The following FLNC variants were observed in gnomAD, a reference collection of about 807,000 sequenced individuals.
FLNC encodes the protein filamin-C.
FLNC carries 91 observed loss-of-function variants against 254.3 expected under a neutral mutation model. That is an observed-to-expected ratio of 0.36 (90% CI 0.30 to 0.43). The LOEUF is 0.43. Among genes scored for constraint, FLNC ranks in the 20% least tolerant of loss-of-function variants. FLNC has a pLI of 1.00. For missense variants in FLNC, 2,853 were observed against 3,802.6 expected (o/e 0.75, Z 6.57); for synonymous variants, 1,430 against 1,577.2 (o/e 0.91, Z 2.21).
In FLNC at chr7:128,844,977, G is replaced by A. The variant is rs1298622480; in HGVS notation, c.3512G>A (p.Gly1171Asp). ...CCGGGCCTGGAGCGCGGCAAGGTCG[G>A]TGAGGCAGCCACCTTCACTGTGGAC... is the stretch of plus-strand genomic sequence containing the variant. The part of the protein sequence containing the change: ...SGPGLERGKV[G>D]EAATFTVDCS... Residue 1171 changes from glycine to aspartate, a missense_variant, in exon 21 of 48, where the codon GGT becomes GAT. Physicochemically the swap from Gly to Asp is moderately conservative, Grantham distance 94 (BLOSUM62 -1). Coordinates refer to ENST00000325888, the MANE Select transcript of FLNC (RefSeq NM_001458.5). The A allele has an allele frequency of 1.9e-6, 3 of 1,613,826 alleles. No individual in the cohort carries two copies. The highest frequency in any genetic ancestry group is 1.7e-6 in the Non-Finnish European group (2 of 1,180,012).
rs761680664 is a variant in FLNC, at chr7:128,854,062, G to C, written c.6573G>C (p.Thr2191=). ...SSHTYTRTER[T]EISKTRGGET... ...ACACCTACACCCGCACGGAGCGCAC[G>C]GAGATCAGCAAGACGCGGGGCGGGG... Residue 2191 remains threonine, a synonymous_variant, in exon 40 of 48, where the codon ACG becomes ACC. Coordinates refer to ENST00000325888, the MANE Select transcript of FLNC (RefSeq NM_001458.5). The C allele has an allele frequency of 2.5e-6, 4 of 1,613,144 alleles. No homozygotes were observed. Among genetic ancestry groups the C allele is most frequent in the Non-Finnish European group, 3.4e-6 (4 of 1,180,006 alleles).
In FLNC at chr7:128,845,238, C is replaced by G. The variant is rs1425684282; in HGVS notation, c.3773C>G (p.Pro1258Arg). Residue 1258 changes from proline (P) to arginine (R), a missense_variant, in exon 21 of 48, where the codon CCT (proline) becomes CGT (arginine). Transcript: ENST00000325888. Reference sequence around the variant, plus strand: ...ACCAGTGGCGTCAAGGTCTCAGGGCCTGGTGTTGAGCCACACGGTGAGTGG... The same window carrying G: ...ACCAGTGGCGTCAAGGTCTCAGGGCGTGGTGTTGAGCCACACGGTGAGTGG... ...VDTSGVKVSGPGVEPHGVLRE... is the reference protein window; with the variant it reads ...VDTSGVKVSGRGVEPHGVLRE... The G allele has an allele frequency of 6.2e-7, 1 of 1,613,472 alleles. No individual in the cohort carries two copies. The highest frequency in any genetic ancestry group is 1.3e-5 in the African/African-American group (1 of 74,914).
In FLNC at chr7:128,838,687, G is replaced by A. The variant is rs750350780; in HGVS notation, c.1295G>A (p.Gly432Asp). 1 of 1,612,928 alleles carries A rather than the reference G, an allele frequency of 6.2e-7. No homozygotes were observed. Among genetic ancestry groups the A allele is most frequent in the African/African-American group, 1.3e-5 (1 of 74,932 alleles). Residue 432 changes from glycine (G) to aspartate (D), a missense_variant, in exon 8 of 48, where the codon GGT becomes GAT. Around this residue, in one of 10 missense-constraint regions of FLNC, gnomAD observed 1,573 missense variants for 1,883.5 expected, o/e 0.84. Transcript: ENST00000325888. ...GTGGAGGTGGCCCTGGAGGACAAGG[G>A]TGACAGCACGTTCCGCTGCACATAC... ...DTVEVALEDK[G>D]DSTFRCTYRP...
chr7:128,851,204 C>T (rs767639103), intron 33 of FLNC, 28 bp from the exon 34 acceptor site: 26 of 1,613,612 alleles, frequency 1.6e-5, no homozygotes, highest in Non-Finnish European at 2.1e-5. Context: ...TGATGCTGAC[C>T]CAGCCCCCTT....
rs1458190021 is a variant in FLNC at position 128,838,089 on chromosome 7, C to T, written c.1047+25C>T. 6 of 1,593,802 alleles carry T rather than the reference C, an allele frequency of 3.8e-6. No homozygotes were observed. The African/African-American group carries it at 8.1e-5, about 21-fold the overall frequency. ...GGTATCTCCCTCTAGGCCCCCCTGCCTGCGCTGCTCTTCACATCCTTGGTT... is the reference window on the plus strand; with the variant it reads ...GGTATCTCCCTCTAGGCCCCCCTGCTTGCGCTGCTCTTCACATCCTTGGTT... On this transcript the variant is annotated intron_variant, in intron 6 of 47. Coordinates refer to ENST00000325888, the MANE Select transcript of FLNC (RefSeq NM_001458.5).
In FLNC at chr7:128,841,019, A is replaced by G; in HGVS notation, c.1813+49A>G. On this transcript the variant is annotated intron_variant, in intron 11 of 47. Transcript: ENST00000325888. The surrounding 1 kb of genome is among the most constrained non-coding windows in gnomAD (Gnocchi z 4.3). ...AGGGAGTGCTGCGGGGGAGGGCAGC[A>G]GGGGACACTGTGGGTAATGGGTGCA... is the stretch of plus-strand genomic sequence containing the variant. The G allele has an allele frequency of 6.4e-7, 1 of 1,574,052 alleles. No individual in the cohort carries two copies. Among genetic ancestry groups the G allele is most frequent in the Non-Finnish European group, 8.6e-7 (1 of 1,158,492 alleles).
At chr7:128,840,480 G>T in intron 9 of FLNC, 68 bp from the exon 10 acceptor site, 1 of 1,606,862 alleles carries the variant, frequency 6.2e-7, no homozygotes, top group Non-Finnish European at 8.5e-7. Flanking sequence ...CTCCTTGAGG[G>T]GATTGAGGAG....
At chr7:128,849,898 T>C in intron 30 of FLNC, 78 bp from the exon 31 acceptor site, 2 of 1,044,950 alleles carry the variant, frequency 1.9e-6, no homozygotes, top group Non-Finnish European at 2.9e-6. Flanking sequence ...GCATTTCAGG[T>C]TCCTGGGCCA....
chr7:128,852,670 G>C lies in FLNC; in HGVS notation c.5922G>C (p.Leu1974=). The change falls in exon 36 of 48, where the codon CTG becomes CTC. Residue 1974 remains leucine, a synonymous_variant. Transcript: ENST00000325888. ...CACTGAAGATCACCGAGAGTGATCT[G>C]AGCCAGCTGACCGCCAGCATCCGTG... ...DVSLKITESD[L]SQLTASIRAP... 1 of 1,613,292 alleles carries C rather than the reference G, an allele frequency of 6.2e-7. No homozygotes were observed. Among genetic ancestry groups the C allele is most frequent in the Non-Finnish European group, 8.5e-7 (1 of 1,180,000 alleles).
rs1807860720 is a variant in FLNC, at chr7:128,830,900, C to A, written c.263C>A (p.Pro88Gln). The part of the protein sequence containing the change: ...SQKRMYRKFH[P>Q]RPNFRQMKLE... ...AAGCGCATGTACCGCAAGTTCCATC[C>A]GCGCCCCAACTTCCGCCAAATGAAG... Residue 88 changes from proline (P) to glutamine (Q), a missense_variant, in exon 1 of 48, where the codon CCG (proline) becomes CAG (glutamine). By Grantham distance (76) the Pro-to-Gln change is moderately conservative. This residue lies in a region of FLNC where 59 missense variants were observed against 59.8 expected (regional missense o/e 0.99). Transcript: ENST00000325888. The A allele has an allele frequency of 1.2e-6, 2 of 1,613,068 alleles. No individual in the cohort carries two copies. The highest frequency in any genetic ancestry group is 1.3e-5 in the African/African-American group (1 of 74,948).
At chr7:128,844,385 TG>T (rs1342042957) in intron 20 of FLNC, 119 bp downstream of exon 20, 1 of 1,299,484 alleles carries the variant, frequency 7.7e-7, no homozygotes, top group Non-Finnish European at 1.0e-6. Flanking sequence ...GCCAAGGGTG[TG>T]GGGCTGAGGC....
chr7:128,842,642 G>C lies in FLNC; in HGVS notation c.2333G>C (p.Gly778Ala), dbSNP rs1001774848. The C allele has an allele frequency of 6.4e-7, 1 of 1,551,532 alleles. No homozygotes were observed. The highest frequency in any genetic ancestry group is 8.7e-7 in the Non-Finnish European group (1 of 1,147,520). The change falls in exon 15 of 48, where the codon GGC becomes GCC. Residue 778 changes from glycine (G) to alanine (A), a missense_variant. By Grantham distance (60) the Gly-to-Ala change is moderately conservative (BLOSUM62 0). This residue lies in a region of FLNC where 1,573 missense variants were observed against 1,883.5 expected (regional missense o/e 0.84). Coordinates refer to ENST00000325888, the MANE Select transcript of FLNC (RefSeq NM_001458.5). The surrounding 1 kb of genome is among the most constrained non-coding windows in gnomAD (Gnocchi z 5.4). ...TACGGCCCCGGAGTGGAGAAGACAG[G>C]CCTCAAGGCCAATGAGCCCACCTAC... ...KVYGPGVEKT[G>A]LKANEPTYFT...
rs940034440 is a variant in FLNC at position 128,841,225 on chromosome 7, T to C, written c.1869T>C (p.Asp623=). The change falls in exon 12 of 48, where the codon GAT becomes GAC. Residue 623 remains aspartate, a synonymous_variant. Coordinates refer to ENST00000325888, the MANE Select transcript of FLNC (RefSeq NM_001458.5). The surrounding 1 kb of genome is among the most constrained non-coding windows in gnomAD (Gnocchi z 4.3). ...QAKIECDDKG[D]GSCDVRYWPT... is the part of the protein sequence containing the mutation. ...AGATCGAATGTGACGACAAGGGGGA[T>C]GGCTCCTGCGATGTGCGGTACTGGC... 6.2e-7 allele frequency: 1 copy of C among 1,613,984 alleles called. No individual in the cohort carries two copies. Among genetic ancestry groups the C allele is most frequent in the African/African-American group, 1.3e-5 (1 of 74,902 alleles).
rs749855792 is a variant in FLNC at position 128,843,238 on chromosome 7, G to A, written c.2560G>A (p.Ala854Thr). Reference sequence around the variant, plus strand: ...CCTCCTCCACATCCAGGAGATCCCCGCCAGCCCCTTCCACATCAAGGTGGA... The same window carrying A: ...CCTCCTCCACATCCAGGAGATCCCCACCAGCCCCTTCCACATCAAGGTGGA... ...MVLFANQEIP[A>T]SPFHIKVDPS... The change falls in exon 17 of 48, where the codon GCC becomes ACC. Residue 854 changes from alanine (A) to threonine (T), a missense_variant. Around this residue, in one of 10 missense-constraint regions of FLNC, gnomAD observed 1,573 missense variants for 1,883.5 expected, o/e 0.84. Coordinates refer to ENST00000325888, the MANE Select transcript of FLNC (RefSeq NM_001458.5). 6.9e-6 allele frequency: 11 copies of A among 1,599,286 alleles called. No homozygotes were observed. The highest frequency in any genetic ancestry group is 5.2e-5 in the Admixed American group (3 of 57,778).
chr7:128,848,002 A>G lies in FLNC; in HGVS notation c.4514A>G (p.Tyr1505Cys). ...DNGDGTHTVHYTPATDGPYTV... is the reference protein window; with the variant it reads ...DNGDGTHTVHCTPATDGPYTV... Reference sequence around the variant, plus strand: ...GGAGATGGCACCCACACTGTCCACTACACCCCAGCCACTGACGGGCCCTAC... The same window carrying G: ...GGAGATGGCACCCACACTGTCCACTGCACCCCAGCCACTGACGGGCCCTAC... The change falls in exon 26 of 48, where the codon TAC becomes TGC. Residue 1505 changes from tyrosine to cysteine, a missense_variant. This residue lies in a region of FLNC where 1,573 missense variants were observed against 1,883.5 expected (regional missense o/e 0.84). Coordinates refer to ENST00000325888, the MANE Select transcript of FLNC (RefSeq NM_001458.5). 1.2e-6 allele frequency: 2 copies of G among 1,608,738 alleles called. No homozygotes were observed. Among genetic ancestry groups the G allele is most frequent in the Non-Finnish European group, 8.5e-7 (1 of 1,177,654 alleles).
intron 26 of FLNC, 149 bp downstream of exon 26, chr7:128,848,217 C>T: frequency 9.4e-7 from 1 of 1,068,958 alleles, no homozygotes; most frequent in South Asian, 1.4e-5. Context: ...CCGCTCTTCC[C>T]CGGGGCTCTC....
At chr7:128,855,092 T>G (rs1808999354) in intron 42 of FLNC, 107 bp from the exon 43 acceptor site, 1 of 1,069,732 alleles carries the variant, frequency 9.3e-7, no homozygotes, top group Non-Finnish European at 1.4e-6. Flanking sequence ...TGCCTCCAGA[T>G]CTGAGCGCTG....
At position 128,851,645 on chromosome 7, in the gene FLNC, G is replaced by T. The variant is rs374289007; in HGVS notation, c.5842+17G>T. 6.2e-7 allele frequency: 1 copy of T among 1,612,898 alleles called. No individual in the cohort carries two copies. The highest frequency in any genetic ancestry group is 1.3e-5 in the African/African-American group (1 of 74,922). ...AGATCACAGGTGAGGCGGGTGTATG[G>T]GCATGTACAGCCCATGAGGCACACA... On this transcript the variant is annotated intron_variant, in intron 35 of 47. Transcript: ENST00000325888.
Position 128,841,138 on chromosome 7 carries a change from T to C in FLNC, c.1814-32T>C. 3 of 1,609,774 alleles carry C rather than the reference T, an allele frequency of 1.9e-6. No homozygotes were observed. The highest frequency in any genetic ancestry group is 2.5e-6 in the Non-Finnish European group (3 of 1,177,882). On this transcript the variant is annotated intron_variant, in intron 11 of 47. Coordinates refer to ENST00000325888, the MANE Select transcript of FLNC (RefSeq NM_001458.5). This position sits in a 1 kb window ranked among gnomAD's most constrained non-coding sequence, Gnocchi z 4.3. ...GGGACGGAAGGGTCTTGCCTGATGC[T>C]GGATCCCCGACCCTCCCCCACCTTG...
Sources: gnomAD v4.1 joint callset for allele counts on GRCh38, gnomAD v4.1.1 for gene constraint, gnomAD v4.1.1 regional missense constraint, Gnocchi (gnomAD v3.1) non-coding constraint, MANE v1.5 for transcripts, NCBI Gene and HGNC (gene_info 2026-07-23, HGNC 2026-07-21) for gene names.